The following BMP5 variants were observed in gnomAD, a reference collection of about 807,000 sequenced individuals.
BMP5 encodes the protein bone morphogenetic protein 5.
Under a neutral mutation model 46.6 loss-of-function variants are expected in BMP5, and 23 were observed. That is an observed-to-expected ratio of 0.49 (90% confidence interval 0.35 to 0.70). The LOEUF is 0.70. Ranked by LOEUF, BMP5 falls within the 30% of genes least tolerant of loss-of-function variation. The pLI, the probability that BMP5 is intolerant of heterozygous loss-of-function variation, is 0.00. For synonymous variants in BMP5, 204 were observed against 191.9 expected (o/e 1.06, Z -0.52); for missense variants, 545 against 565.6 (o/e 0.96, Z 0.37).
intron 2 of BMP5, among the ~76,000 whole-genome samples, chr6:55,796,073 C>T (rs1775704699): frequency 6.6e-6 from 1 of 152,014 alleles, no homozygotes. Context: ...TCTCTGAGAC[C>T]TTAATCTTGG....
At chr6:55,856,309 G>A (rs1156231362) in intron 1 of BMP5, among the ~76,000 whole-genome samples, 5 of 152,080 alleles carry the variant, frequency 3.3e-5, no homozygotes, top group African/African-American at 1.2e-4. Flanking sequence ...TCCAGTTTTG[G>A]AGAATTGTGA....
At chr6:55,793,454 C>T (rs1775621643) in intron 3 of BMP5, among the ~76,000 whole-genome samples, 1 of 152,200 alleles carries the variant, frequency 6.6e-6, no homozygotes, top group Admixed American at 6.5e-5. Context: ...AAGCCATCTG[C>T]ATTGGCTCAC....
intron 2 of BMP5, among the ~76,000 whole-genome samples, chr6:55,812,703 T>A (rs1776164291): frequency 6.6e-6 from 1 of 152,168 alleles, no homozygotes; most frequent in African/African-American, 2.4e-5. Context: ...GACACAGAAG[T>A]TTTGAGAGGT....
intron 4 of BMP5, among the ~76,000 whole-genome samples, chr6:55,764,571 C>CAAAAAAAAAAAAA (rs57293392): frequency 9.1e-6 from 1 of 110,152 alleles, no homozygotes; most frequent in African/African-American, 3.3e-5. Context: ...GACTCTGTCT[C>CAAAAAAAAAAAAA]AAAAAAAAAA....
chr6:55,872,939 A>C (rs2127557093), intron 1 of BMP5, among the ~76,000 whole-genome samples: 1 of 152,018 alleles, frequency 6.6e-6, no homozygotes, highest in Admixed American at 6.6e-5. Context: ...ATTTGAAATT[A>C]AGCTATATTT....
intron 3 of BMP5, among the ~76,000 whole-genome samples, chr6:55,793,954 A>G (rs1476083217): frequency 6.6e-6 from 1 of 152,182 alleles, no homozygotes; most frequent in Non-Finnish European, 1.5e-5. Context: ...TAACCACCAC[A>G]ACTATATTAT....
chr6:55,853,190 A>G (rs188962076), intron 1 of BMP5, among the ~76,000 whole-genome samples: 52 of 136,630 alleles, frequency 3.8e-4, no homozygotes, highest in South Asian at 2.2e-3. Context: ...AATAAAATAA[A>G]ATAAAATAAA....
chr6:55,787,981 C>A (rs1775488133), intron 3 of BMP5, among the ~76,000 whole-genome samples: 1 of 151,438 alleles, frequency 6.6e-6, no homozygotes, highest in African/African-American at 2.4e-5. Context: ...TATTAGGGAC[C>A]ATTGGACCCT....
At chr6:55,758,230 T>A (rs917494270) in intron 6 of BMP5, among the ~76,000 whole-genome samples, 4 of 151,908 alleles carry the variant, frequency 2.6e-5, no homozygotes, top group Admixed American at 2.0e-4. Flanking sequence ...AAACATTGAT[T>A]TAAAATTATG....
intron 1 of BMP5, among the ~76,000 whole-genome samples, chr6:55,820,152 T>G (rs1004188391): frequency 6.6e-5 from 10 of 152,124 alleles, no homozygotes; most frequent in Non-Finnish European, 1.3e-4. Flanking sequence ...ATGTATCAAG[T>G]ATCAGACCAT....
intron 4 of BMP5, among the ~76,000 whole-genome samples, chr6:55,768,705 C>A (rs896701243): frequency 3.9e-5 from 6 of 151,950 alleles, no homozygotes; most frequent in African/African-American, 1.4e-4. Context: ...ATCCAGCATA[C>A]AATAGCAATC....
rs920166084 is a variant in BMP5 at position 55,874,644 on chromosome 6, C to T, written c.222G>A (p.Ala74=). The change falls in exon 1 of 7, where the codon GCG becomes GCA. Residue 74 remains alanine, a synonymous_variant. Transcript: ENST00000370830. ...CCAGCATAAAGAGAGGTGCAGAGGA[C>T]GCTTGTTTTCCAGGTGAAAATGGTC... is the stretch of plus-strand genomic sequence containing the variant. ...RPRPFSPGKQ[A]SSAPLFMLDL... 5.0e-6 allele frequency: 8 copies of T among 1,613,418 alleles called. No individual in the cohort carries two copies. The African/African-American group carries it at 5.3e-5, about 11-fold the overall frequency.
At chr6:55,772,142 A>G (rs80287694) in intron 4 of BMP5, among the ~76,000 whole-genome samples, 17,033 of 151,896 alleles carry the variant, frequency 0.11, 1,035 homozygotes, top group Middle Eastern at 0.17. Flanking sequence ...GCCAATGACA[A>G]AATTTCAAAA....
chr6:55,792,770 G>A (rs896181011), intron 3 of BMP5, among the ~76,000 whole-genome samples: 2 of 152,096 alleles, frequency 1.3e-5, no homozygotes, highest in Non-Finnish European at 2.9e-5. Context: ...GACAGACACA[G>A]CTTTTACTTA....
chr6:55,856,743 A>G (rs918157551), intron 1 of BMP5, among the ~76,000 whole-genome samples: 4 of 152,030 alleles, frequency 2.6e-5, no homozygotes, highest in Non-Finnish European at 5.9e-5. Flanking sequence ...TGTTCCATGG[A>G]ATCTCAAAAA....
At chr6:55,811,146 G>A (rs1361999442) in intron 2 of BMP5, among the ~76,000 whole-genome samples, 1 of 152,150 alleles carries the variant, frequency 6.6e-6, no homozygotes, top group Non-Finnish European at 1.5e-5. Flanking sequence ...AGTGGAAAAT[G>A]TCAGAGTACC....
intron 4 of BMP5, among the ~76,000 whole-genome samples, chr6:55,767,115 T>G (rs1774933004): frequency 6.6e-6 from 1 of 152,036 alleles, no homozygotes; most frequent in African/African-American, 2.4e-5. Context: ...ACACAATGCC[T>G]TAATGTCTAT....
At chr6:55,871,933 T>C (rs1386793945) in intron 1 of BMP5, among the ~76,000 whole-genome samples, 1 of 151,808 alleles carries the variant, frequency 6.6e-6, no homozygotes, top group South Asian at 2.1e-4. Context: ...TTTAAGACAG[T>C]GAAAAAATAA....
intron 3 of BMP5, among the ~76,000 whole-genome samples, chr6:55,790,956 A>AC (rs1342457174): frequency 6.6e-6 from 1 of 152,136 alleles, no homozygotes; most frequent in Non-Finnish European, 1.5e-5. Context: ...TGCTTTTGTA[A>AC]CCCGCTACCT....
Sources: allele counts gnomAD v4.1 joint callset (sites outside exome capture counted in the v4.1 genomes callset), GRCh38; gene constraint gnomAD v4.1.1; transcripts MANE v1.5; gene names NCBI Gene and HGNC (gene_info 2026-07-23, HGNC 2026-07-21).